PIAS2: variants seen among roughly 807,000 people sequenced by gnomAD.
PIAS2 encodes protein inhibitor of activated STAT 2.
In PIAS2, 19 loss-of-function variants were observed where a neutral mutation model predicts 69.7. The observed-to-expected ratio is 0.27, with a 90% CI of 0.19 to 0.40. The LOEUF (loss-of-function observed/expected upper bound fraction) is 0.40. Among genes scored for constraint, PIAS2 ranks in the 10% least tolerant of loss-of-function variants. The probability of loss-of-function intolerance (pLI) is 1.00; values close to 1 mark genes in which losing one functional copy is unlikely to be tolerated. For missense variants in PIAS2, 624 were observed against 757.0 expected (o/e 0.82, Z 2.06); for synonymous variants, 261 against 263.2 (o/e 0.99, Z 0.08).
In PIAS2 at chr18:46,900,080, A is replaced by G. The variant is rs535773162; in HGVS notation, c.25-9026T>C. Among the ~76,000 whole-genome samples, 6 of 152,246 alleles carry G rather than the reference A, an allele frequency of 3.9e-5. No individual in the cohort carries two copies. The South Asian group carries it at 1.2e-3, about 32-fold the overall frequency. On this transcript the variant is annotated intron_variant, in intron 1 of 13. Transcript: ENST00000585916. ...CATCGTCTCTACTAAAAATACAAAAATTGGCTGGGCATGGTGGCTCACGCC... is the reference window on the plus strand; with the variant it reads ...CATCGTCTCTACTAAAAATACAAAAGTTGGCTGGGCATGGTGGCTCACGCC...
At chr18:46,852,302 T>A (rs2047080484) in intron 5 of PIAS2, among the ~76,000 whole-genome samples, 1 of 152,196 alleles carries the variant, frequency 6.6e-6, no homozygotes, top group Non-Finnish European at 1.5e-5. Flanking sequence ...GTAAAAAGAC[T>A]CTTTGGGAAA....
At chr18:46,888,884 G>A (rs975665841) in intron 2 of PIAS2, among the ~76,000 whole-genome samples, 1 of 152,078 alleles carries the variant, frequency 6.6e-6, no homozygotes, top group East Asian at 1.9e-4. Flanking sequence ...GCTAGTCCAC[G>A]GCCTGAGGGT....
chr18:46,840,662 A>C (rs1438730005), intron 8 of PIAS2, among the ~76,000 whole-genome samples: 2 of 152,206 alleles, frequency 1.3e-5, no homozygotes, highest in Non-Finnish European at 2.9e-5. Context: ...GCATTTCCTA[A>C]GAAGGAATTT....
chr18:46,882,900 T>C (rs1456112357), intron 2 of PIAS2, among the ~76,000 whole-genome samples: 1 of 152,068 alleles, frequency 6.6e-6, no homozygotes, highest in African/African-American at 2.4e-5. Flanking sequence ...GAGACCAGCC[T>C]GGACAACATG....
At chr18:46,865,205 C>CA (rs1398055065) in intron 2 of PIAS2, among the ~76,000 whole-genome samples, 2 of 152,052 alleles carry the variant, frequency 1.3e-5, no homozygotes, top group Non-Finnish European at 2.9e-5. Context: ...ATAGAGGCCT[C>CA]AAGTCTTTTG....
At chr18:46,899,714 G>A (rs1013274721) in intron 1 of PIAS2, among the ~76,000 whole-genome samples, 1 of 152,152 alleles carries the variant, frequency 6.6e-6, no homozygotes, top group South Asian at 2.1e-4. Context: ...TGATGCTCCT[G>A]CCTTGGCCTC....
At chr18:46,867,188 T>C (rs1568610592) in intron 2 of PIAS2, among the ~76,000 whole-genome samples, 1 of 152,168 alleles carries the variant, frequency 6.6e-6, no homozygotes, top group Non-Finnish European at 1.5e-5. Flanking sequence ...TGACATATCT[T>C]TGACTTTACC....
intron 9 of PIAS2, among the ~76,000 whole-genome samples, chr18:46,833,236 G>A (rs888622892): frequency 6.6e-6 from 1 of 152,162 alleles, no homozygotes; most frequent in Non-Finnish European, 1.5e-5. Flanking sequence ...ATTGGTATAT[G>A]CAACATAAAT....
intron 13 of PIAS2, among the ~76,000 whole-genome samples, chr18:46,814,987 A>G (rs895553507): frequency 6.6e-6 from 1 of 152,244 alleles, no homozygotes; most frequent in African/African-American, 2.4e-5. Flanking sequence ...GCTAAAAAAT[A>G]AAACTGTATT....
intron 1 of PIAS2, chr18:46,917,035 C>G (rs1167397308): frequency 1.0e-6 from 1 of 987,764 alleles, no homozygotes; most frequent in East Asian, 1.1e-4. Context: ...CCATGTGCCC[C>G]TCCTGGAGGG....
intron 1 of PIAS2, among the ~76,000 whole-genome samples, chr18:46,898,903 G>A (rs2055334380): frequency 1.3e-5 from 2 of 151,404 alleles, no homozygotes; most frequent in African/African-American, 4.9e-5. Context: ...GCTGAGGCAG[G>A]AAAATTGCTT....
chr18:46,898,609 A>G (rs527862520), intron 1 of PIAS2, among the ~76,000 whole-genome samples: 34 of 152,260 alleles, frequency 2.2e-4, no homozygotes, highest in Non-Finnish European at 3.7e-4. Flanking sequence ...GAAAAAGAGT[A>G]TTAAAAAAAC....
chr18:46,817,035 T>TA (rs1419913095), intron 12 of PIAS2: 8 of 937,906 alleles, frequency 8.5e-6, no homozygotes, highest in East Asian at 1.2e-4. Flanking sequence ...TATTATTAAG[T>TA]AAAAAAAGTT....
At chr18:46,907,088 C>T (rs1798726599) in intron 1 of PIAS2, among the ~76,000 whole-genome samples, 1 of 152,060 alleles carries the variant, frequency 6.6e-6, no homozygotes, top group Admixed American at 6.6e-5. Context: ...GAGATATCTG[C>T]CAATGGAAAA....
At chr18:46,886,786 C>T (rs1007382083) in intron 2 of PIAS2, among the ~76,000 whole-genome samples, 6 of 151,864 alleles carry the variant, frequency 4.0e-5, no homozygotes, top group East Asian at 1.9e-4. Flanking sequence ...CGCAGTGAGC[C>T]GAGACAGCGC....
Position 46,855,336 on chromosome 18 carries a change from G to A in PIAS2, c.726+9C>T. On this transcript the variant is annotated intron_variant, in intron 5 of 13. Transcript: ENST00000585916. ...TATATGCAAATCTGGTGAATAAAAA[G>A]CAACTTACAGGCAAAGGAAATAGCT... 1.3e-6 allele frequency: 2 copies of A among 1,575,696 alleles called. No homozygotes were observed. The highest frequency in any genetic ancestry group is 1.7e-6 in the Non-Finnish European group (2 of 1,154,344).
At position 46,848,915 on chromosome 18, in the gene PIAS2, CA is replaced by C. The variant is rs2046560999; in HGVS notation, c.727-2075del. Reference sequence around the variant, plus strand: ...CTCATAAAGACTCAAGGAGCTGATTCAATGAGCATCAAGCACAAGGAGTATC... The same window carrying C: ...CTCATAAAGACTCAAGGAGCTGATTCATGAGCATCAAGCACAAGGAGTATC... On this transcript the variant is annotated intron_variant, in intron 5 of 13. Coordinates refer to ENST00000585916, the MANE Select transcript of PIAS2 (RefSeq NM_004671.5). 2.0e-5 allele frequency among the ~76,000 whole-genome samples: 3 copies of C among 151,508 alleles called. No homozygotes were observed. The South Asian group carries it at 6.3e-4, about 32-fold the overall frequency.
In PIAS2 at chr18:46,804,156, A is replaced by G. The variant is rs1178300953; in HGVS notation, c.*8277T>C. ...TTACTGGGCACCTTCTATGTAGCCC[A>G]TATCATGTTAGGCTCTGGGATGCAA... On this transcript the variant is annotated 3_prime_UTR_variant, in exon 14 of 14. Transcript: ENST00000585916. 1.3e-5 allele frequency: 2 copies of G among 152,170 alleles called. No homozygotes were observed. Among genetic ancestry groups the G allele is most frequent in the Non-Finnish European group, 2.9e-5 (2 of 68,050 alleles). 9.4% of individuals were successfully genotyped at this position (152,170 alleles called of 1,614,324 possible).
chr18:46,906,778 G>T (rs990403911), intron 1 of PIAS2, among the ~76,000 whole-genome samples: 3 of 145,308 alleles, frequency 2.1e-5, no homozygotes, highest in East Asian at 2.1e-4. Context: ...GTGTGTGGGG[G>T]GGGGGGGAGG....
Sources: allele counts gnomAD v4.1 joint callset (sites outside exome capture counted in the v4.1 genomes callset), GRCh38; gene constraint gnomAD v4.1.1; transcripts MANE v1.5; gene names NCBI Gene and HGNC (gene_info 2026-07-23, HGNC 2026-07-21).